The following ADAP2 variants were observed in gnomAD, a reference collection of about 807,000 sequenced individuals.
ADAP2 encodes the protein arf-GAP with dual PH domain-containing protein 2.
In ADAP2, 42 loss-of-function variants were observed where a neutral mutation model predicts 54.9. That is an observed-to-expected ratio of 0.77 (90% CI 0.60 to 0.99). The LOEUF (loss-of-function observed/expected upper bound fraction) is 0.99. Among genes scored for constraint, ADAP2 ranks in the 50% least tolerant of loss-of-function variants. ADAP2 has a pLI of 0.00. For synonymous variants in ADAP2, 177 were observed against 180.1 expected (o/e 0.98, Z 0.14); for missense variants, 429 against 480.4 (o/e 0.89, Z 1.00).
rs377161186 is a variant in ADAP2, at chr17:30,956,133, C to T, written c.883-108C>T. On this transcript the variant is annotated intron_variant, in intron 9 of 10. Transcript: ENST00000330889. ...GGGTCCCACTTAGCAGAAATCCCAG[C>T]AGGGACCTCATACCCCTTTCCCAAA... 9.1e-6 allele frequency: 8 copies of T among 874,492 alleles called. 1 individual carries two copies. In the African/African-American group the frequency reaches 1.2e-4, roughly 13 times the overall value. The allele number at this position is 874,492 out of a possible 1,614,324, so 54.2% of individuals were successfully genotyped here. A position where few individuals can be genotyped will look rare whatever the true frequency, so the allele number is the denominator to read the frequency against.
At chr17:30,930,319 G>C (rs576687752) in intron 3 of ADAP2, among the ~76,000 whole-genome samples, 6 of 152,158 alleles carry the variant, frequency 3.9e-5, no homozygotes, top group Admixed American at 2.0e-4. Context: ...TGATCTGCCT[G>C]CCTTGGCCTC....
At chr17:30,941,544 C>A (rs1176447695) in intron 5 of ADAP2, among the ~76,000 whole-genome samples, 1 of 152,166 alleles carries the variant, frequency 6.6e-6, no homozygotes, top group Non-Finnish European at 1.5e-5. Flanking sequence ...AAGTTGATGT[C>A]GTATCCTTCT....
chr17:30,934,323 G>T, intron 5 of ADAP2, 26 bp downstream of exon 5: 2 of 1,532,350 alleles, frequency 1.3e-6, no homozygotes, highest in South Asian at 2.3e-5. Context: ...AATGAGAGCA[G>T]GTCCCTTCCT....
At chr17:30,922,868 G>C (rs550413949) in intron 1 of ADAP2, 72 bp from the exon 2 acceptor site, 12 of 1,559,534 alleles carry the variant, frequency 7.7e-6, no homozygotes, top group South Asian at 2.3e-5. Flanking sequence ...ACCTGCCCCA[G>C]TGCCCCGAGC....
intron 3 of ADAP2, among the ~76,000 whole-genome samples, chr17:30,929,628 G>A (rs1911328549): frequency 6.6e-6 from 1 of 152,258 alleles, no homozygotes; most frequent in South Asian, 2.1e-4. Context: ...CCTCATGGTG[G>A]GCCAGGTGAT....
chr17:30,959,066 A>G lies in ADAP2; in HGVS notation c.*1197A>G, dbSNP rs1598064446. 6.6e-6 allele frequency: 1 copy of G among 152,246 alleles called. No homozygotes were observed. Among genetic ancestry groups the G allele is most frequent in the Admixed American group, 6.5e-5 (1 of 15,290 alleles). The allele number at this position is 152,246 out of a possible 1,614,324, so 9.4% of individuals were successfully genotyped here. A position where few individuals can be genotyped will look rare whatever the true frequency, so the allele number is the denominator to read the frequency against. On this transcript the variant is annotated 3_prime_UTR_variant, in exon 11 of 11. Transcript: ENST00000330889. Reference sequence around the variant, plus strand: ...CTTGAAAATGTGCATTTTCAAGGACACTTGCTGGGTTGTGCATTAAGGGCC... The same window carrying G: ...CTTGAAAATGTGCATTTTCAAGGACGCTTGCTGGGTTGTGCATTAAGGGCC...
At chr17:30,955,190 A>T (rs1188664413) in intron 9 of ADAP2, among the ~76,000 whole-genome samples, 1 of 151,436 alleles carries the variant, frequency 6.6e-6, no homozygotes, top group African/African-American at 2.4e-5. Flanking sequence ...GCTCATTGCA[A>T]CCTTGAACTT....
At chr17:30,928,383 C>T (rs993704307) in intron 3 of ADAP2, among the ~76,000 whole-genome samples, 1 of 151,624 alleles carries the variant, frequency 6.6e-6, no homozygotes, top group East Asian at 1.9e-4. Flanking sequence ...GTAGTCCCAG[C>T]TACTCGAGAG....
intron 2 of ADAP2, among the ~76,000 whole-genome samples, chr17:30,924,108 C>T (rs916322251): frequency 6.6e-6 from 1 of 152,064 alleles, no homozygotes; most frequent in Non-Finnish European, 1.5e-5. Context: ...TGTGGTGGCT[C>T]ACACCTATAA....
At position 30,922,047 on chromosome 17, in the gene ADAP2, G is replaced by T; in HGVS notation, c.33G>T (p.Leu11=). 1 of 1,274,416 alleles carries T rather than the reference G, an allele frequency of 7.8e-7. No homozygotes were observed. Among genetic ancestry groups the T allele is most frequent in the Non-Finnish European group, 9.9e-7 (1 of 1,015,134 alleles). The allele number at this position is 1,274,416 out of a possible 1,614,324, so 78.9% of individuals were successfully genotyped here. Reference sequence around the variant, plus strand: ...ATCGCGAGCGCAACAAGAAGCGGCTGCTGGAGCTGCTGCGGGCGCCGGACA... The same window carrying T: ...ATCGCGAGCGCAACAAGAAGCGGCTTCTGGAGCTGCTGCGGGCGCCGGACA... The part of the protein sequence containing the change: MGDRERNKKR[L]LELLRAPDTG... Residue 11 remains leucine (L), a synonymous_variant, in exon 1 of 11, where the codon CTG becomes CTT. Transcript: ENST00000330889.
chr17:30,922,094 A>G lies in ADAP2; in HGVS notation c.80A>G (p.Asp27Gly). Residue 27 changes from aspartate to glycine, a missense_variant, in exon 1 of 11, where the codon GAC (aspartate) becomes GGC (glycine). Coordinates refer to ENST00000330889, the MANE Select transcript of ADAP2 (RefSeq NM_018404.3). ...APDTGNAHCA[D>G]CGAADPDWAS... ...GACACAGGCAACGCGCACTGCGCCG[A>G]CTGCGGGGCGGCAGGTAAGGGCGCG... 1 of 1,251,074 alleles carries G rather than the reference A, an allele frequency of 8.0e-7. No individual in the cohort carries two copies. The highest frequency in any genetic ancestry group is 1.0e-6 in the Non-Finnish European group (1 of 999,786). The allele number at this position is 1,251,074 out of a possible 1,614,324, so 77.5% of individuals were successfully genotyped here.
At chr17:30,936,058 C>G (rs1176906723) in intron 5 of ADAP2, among the ~76,000 whole-genome samples, 3 of 152,156 alleles carry the variant, frequency 2.0e-5, no homozygotes, top group Non-Finnish European at 2.9e-5. Context: ...TGTAATCCCC[C>G]ACCCCACCCC....
chr17:30,947,842 A>T (rs1485697573), intron 6 of ADAP2, among the ~76,000 whole-genome samples: 4 of 152,224 alleles, frequency 2.6e-5, no homozygotes, highest in Non-Finnish European at 5.9e-5. Context: ...TTAGCCTCCC[A>T]ATTCCAAATT....
intron 6 of ADAP2, 40 bp downstream of exon 6, chr17:30,945,093 A>G (rs1437623801): frequency 1.2e-6 from 2 of 1,605,376 alleles, no homozygotes; most frequent in Admixed American, 1.7e-5. Flanking sequence ...TCCAGCTCGC[A>G]CCCCAGGACT....
intron 4 of ADAP2, among the ~76,000 whole-genome samples, chr17:30,933,192 T>C (rs1399495300): frequency 6.6e-6 from 1 of 152,188 alleles, no homozygotes; most frequent in African/African-American, 2.4e-5. Flanking sequence ...TATTTATTTA[T>C]GTATTTATTT....
intron 6 of ADAP2, among the ~76,000 whole-genome samples, chr17:30,946,298 T>C (rs1912675336): frequency 1.3e-5 from 2 of 152,028 alleles, no homozygotes; most frequent in South Asian, 4.2e-4. Flanking sequence ...AGTGGCGTGA[T>C]CTCGGCTCAC....
intron 9 of ADAP2, among the ~76,000 whole-genome samples, chr17:30,955,760 A>G (rs1330592442): frequency 6.6e-6 from 1 of 151,280 alleles, no homozygotes; most frequent in Non-Finnish European, 1.5e-5. Context: ...GTGGTGGTGC[A>G]TGCCTGTAGT....
Position 30,949,310 on chromosome 17 carries a change from C to G in ADAP2, c.681C>G (p.Ala227=). Residue 227 remains alanine (A), a synonymous_variant, in exon 7 of 11, where the codon GCC becomes GCG. Coordinates refer to ENST00000330889, the MANE Select transcript of ADAP2 (RefSeq NM_018404.3). ...SGKEIVDWFN[A]LRAARLQYLK... ...AGGAGATAGTGGACTGGTTCAATGCCCTCCGTGCAGCCCGTCTGCAGTACC... is the reference window on the plus strand; with the variant it reads ...AGGAGATAGTGGACTGGTTCAATGCGCTCCGTGCAGCCCGTCTGCAGTACC... 1 of 1,614,178 alleles carries G rather than the reference C, an allele frequency of 6.2e-7. No individual in the cohort carries two copies. Among genetic ancestry groups the G allele is most frequent in the Non-Finnish European group, 8.5e-7 (1 of 1,180,018 alleles).
chr17:30,930,904 C>A (rs1470799073), intron 3 of ADAP2, among the ~76,000 whole-genome samples: 2 of 152,110 alleles, frequency 1.3e-5, no homozygotes, highest in African/African-American at 4.8e-5. Flanking sequence ...AGGTGCTAGG[C>A]CCTTTATATA....
Sources: gnomAD v4.1 joint callset for allele counts (sites outside exome capture counted in the v4.1 genomes callset) on GRCh38, gnomAD v4.1.1 for gene constraint, MANE v1.5 for transcripts, NCBI Gene and HGNC (gene_info 2026-07-23, HGNC 2026-07-21) for gene names.